Variants in SLC4A4 observed in about 807,000 individuals in gnomAD.
SLC4A4 encodes solute carrier family 4 member 4.
Under a neutral mutation model 111.5 loss-of-function variants are expected in SLC4A4, and 27 were observed. The ratio of observed to expected loss-of-function variants is 0.24; its 90% CI spans 0.18 to 0.33. The LOEUF is 0.33. Among genes scored for constraint, SLC4A4 ranks in the 10% least tolerant of loss-of-function variants. The pLI, the probability that SLC4A4 is intolerant of heterozygous loss-of-function variation, is 1.00. For synonymous variants in SLC4A4, 443 were observed against 463.4 expected, an observed-to-expected ratio of 0.96 and a Z score of 0.57; for missense variants, 909 against 1,315.5, an observed-to-expected ratio of 0.69 and a Z score of 4.78.
chr4:71,147,807 A>G (rs1744219830), intron 2 of SLC4A4, among the ~76,000 whole-genome samples: 1 of 152,094 alleles, frequency 6.6e-6, no homozygotes, highest in African/African-American at 2.4e-5. Context: ...TGTTTACCAG[A>G]TTTATAAGGC....
At chr4:71,237,321 T>C (rs866880783) in intron 2 of SLC4A4, among the ~76,000 whole-genome samples, 1 of 152,320 alleles carries the variant, frequency 6.6e-6, no homozygotes, top group South Asian at 2.1e-4. Flanking sequence ...TGCTATTTAT[T>C]TGATAGAAGG....
intron 1 of SLC4A4, among the ~76,000 whole-genome samples, chr4:71,203,691 A>G (rs1414616675): frequency 1.3e-5 from 2 of 152,194 alleles, no homozygotes; most frequent in Non-Finnish European, 2.9e-5. Context: ...AAGAAGGAAA[A>G]TCTGTTGATC....
At chr4:71,090,441 T>C (rs1264738531) in intron 1 of SLC4A4, among the ~76,000 whole-genome samples, 2 of 152,166 alleles carry the variant, frequency 1.3e-5, no homozygotes, top group Non-Finnish European at 2.9e-5. Context: ...GAGATGAACC[T>C]GGTACCTCGG....
At chr4:71,525,393 G>A (rs1227285547) in intron 16 of SLC4A4, among the ~76,000 whole-genome samples, 1 of 151,956 alleles carries the variant, frequency 6.6e-6, no homozygotes, top group Non-Finnish European at 1.5e-5. Flanking sequence ...ATATAAAAAA[G>A]GCATTACAGT....
chr4:71,387,114 T>A (rs1217600024), intron 6 of SLC4A4, among the ~76,000 whole-genome samples: 1 of 152,216 alleles, frequency 6.6e-6, no homozygotes, highest in African/African-American at 2.4e-5. Context: ...CCATCCTTTT[T>A]AGCCTGTCCC....
chr4:71,179,903 A>T (rs921937606), intron 2 of SLC4A4, among the ~76,000 whole-genome samples: 1 of 152,210 alleles, frequency 6.6e-6, no homozygotes, highest in Non-Finnish European at 1.5e-5. Flanking sequence ...AGTCAATCCG[A>T]AGCCAAAAGA....
intron 1 of SLC4A4, among the ~76,000 whole-genome samples, chr4:71,088,514 A>G (rs552517509): frequency 6.6e-6 from 1 of 151,868 alleles, no homozygotes; most frequent in African/African-American, 2.4e-5. Context: ...GGTCTTTACA[A>G]TTTGGCATGT....
chr4:71,506,229 A>G (rs1401261492), intron 16 of SLC4A4, among the ~76,000 whole-genome samples: 1 of 151,956 alleles, frequency 6.6e-6, no homozygotes, highest in African/African-American at 2.4e-5. Context: ...AAGAATATCA[A>G]TAGTATTTTA....
chr4:71,497,985 G>A (rs902467273), intron 16 of SLC4A4, among the ~76,000 whole-genome samples: 2 of 152,118 alleles, frequency 1.3e-5, no homozygotes, highest in African/African-American at 4.8e-5. Context: ...ATGCATGAGT[G>A]AAGAAAAATA....
At chr4:71,158,945 T>G (rs1031680329) in intron 2 of SLC4A4, among the ~76,000 whole-genome samples, 5 of 152,208 alleles carry the variant, frequency 3.3e-5, no homozygotes, top group African/African-American at 1.2e-4. Flanking sequence ...GGGTCCAGTC[T>G]TTTTGTCCAT....
At position 71,491,235 on chromosome 4, in the gene SLC4A4, GA is replaced by G. The variant is rs926672103; in HGVS notation, c.1974+4223del. ...GCAAATCTGGCTCACCACTGTGGGG[GA>G]AAAAACTCTAAATAAGTACATCAAC... On this transcript the variant is annotated intron_variant, in intron 15 of 25. Transcript: ENST00000264485. 4.0e-5 allele frequency among the ~76,000 whole-genome samples: 6 copies of G among 151,886 alleles called. No homozygotes were observed. The East Asian group carries it at 5.9e-4, about 15-fold the overall frequency.
chr4:71,454,930 T>A (rs909810824), intron 12 of SLC4A4, among the ~76,000 whole-genome samples: 8 of 152,204 alleles, frequency 5.3e-5, no homozygotes, highest in Non-Finnish European at 1.0e-4. Flanking sequence ...TCTTTACTCA[T>A]GTGTTGGTGC....
intron 18 of SLC4A4, 59 bp downstream of exon 18, chr4:71,534,447 C>G: frequency 6.5e-7 from 1 of 1,533,412 alleles, no homozygotes. Flanking sequence ...TACTTGAAAA[C>G]ACTAATTGAT....
chr4:71,545,076 A>G (rs866386677), intron 18 of SLC4A4, among the ~76,000 whole-genome samples: 4 of 152,202 alleles, frequency 2.6e-5, no homozygotes, highest in Non-Finnish European at 5.9e-5. Context: ...TCAAACTATT[A>G]TGCCTTCCTG....
chr4:71,326,676 A>T (rs1376713055), intron 3 of SLC4A4, among the ~76,000 whole-genome samples: 5 of 152,082 alleles, frequency 3.3e-5, no homozygotes, highest in Non-Finnish European at 4.4e-5. Flanking sequence ...CCTCTTTGAA[A>T]GATTGTGAAG....
rs548841476 is a variant in SLC4A4 at position 71,451,162 on chromosome 4, CT to C, written c.1209-25del. 152 of 1,396,138 alleles carry C rather than the reference CT, an allele frequency of 1.1e-4. 1 individual carries two copies. The South Asian group carries it at 1.4e-3, about 13-fold the overall frequency. 86.5% of individuals were successfully genotyped at this position (1,396,138 alleles called of 1,614,324 possible). A position where few individuals can be genotyped will look rare whatever the true frequency, so the allele number is the denominator to read the frequency against. On this transcript the variant is annotated intron_variant, in intron 10 of 25. Transcript: ENST00000264485. ...CGAATGAATAAAATAAACTAATATA[CT>C]CTTGGGCTCTGTTGTCTTGCTTAGA...
chr4:71,155,124 G>A (rs796209411), intron 2 of SLC4A4, among the ~76,000 whole-genome samples: 4 of 152,002 alleles, frequency 2.6e-5, no homozygotes, highest in African/African-American at 9.6e-5. Context: ...GTGAATTTGT[G>A]TACAGTGGGT....
At chr4:71,147,816 G>T (rs956169259) in intron 2 of SLC4A4, among the ~76,000 whole-genome samples, 2 of 152,062 alleles carry the variant, frequency 1.3e-5, no homozygotes, top group Non-Finnish European at 2.9e-5. Context: ...GATTTATAAG[G>T]CTGAATTTGT....
At chr4:71,145,817 G>A (rs529333897) in intron 2 of SLC4A4, among the ~76,000 whole-genome samples, 38 of 151,996 alleles carry the variant, frequency 2.5e-4, no homozygotes, top group African/African-American at 3.9e-4. Context: ...TTTTTCTTGC[G>A]TCTATTTGAT....
Sources: allele counts gnomAD v4.1 joint callset (sites outside exome capture counted in the v4.1 genomes callset), GRCh38; gene constraint gnomAD v4.1.1; transcripts MANE v1.5; gene names NCBI Gene and HGNC (gene_info 2026-07-23, HGNC 2026-07-21).